The following POFUT3 variants were observed in gnomAD, a reference collection of about 807,000 sequenced individuals.
POFUT3 encodes protein O-fucosyltransferase 3.
chr8:33,446,277 T>G, the POFUT3 span, among the ~76,000 whole-genome samples: 1 of 151,862 alleles, frequency 6.6e-6, no homozygotes. Flanking sequence ...GCCAGCATGG[T>G]GAAATGCCGT....
the POFUT3 span, among the ~76,000 whole-genome samples, chr8:33,324,756 T>G: frequency 2.0e-5 from 3 of 150,076 alleles, no homozygotes; most frequent in Non-Finnish European, 3.0e-5. Context: ...CTCCCCCATC[T>G]CACAGCACCA....
chr8:33,349,900 G>C, the POFUT3 span, among the ~76,000 whole-genome samples: 1 of 152,062 alleles, frequency 6.6e-6, no homozygotes, highest in Non-Finnish European at 1.5e-5. Context: ...ATTCCCACCA[G>C]CAGGGTAAAA....
chr8:33,366,766 T>C, the POFUT3 span, among the ~76,000 whole-genome samples: 10 of 152,240 alleles, frequency 6.6e-5, no homozygotes, highest in South Asian at 1.4e-3. Flanking sequence ...ACAAAAATTG[T>C]TGACAAAAAC....
At chr8:33,362,481 G>A in the POFUT3 span, among the ~76,000 whole-genome samples, 1 of 152,026 alleles carries the variant, frequency 6.6e-6, no homozygotes, top group Non-Finnish European at 1.5e-5. Context: ...TGGCAAATTG[G>A]ATAGAGTCAA....
At chr8:33,371,208 T>C in the POFUT3 span, 2 of 152,184 alleles carry the variant, frequency 1.3e-5, no homozygotes, top group African/African-American at 2.4e-5. Context: ...ATGAAAGAGC[T>C]GGGATTGGGA....
chr8:33,449,251 T>C, the POFUT3 span, among the ~76,000 whole-genome samples: 1 of 149,128 alleles, frequency 6.7e-6, no homozygotes, highest in African/African-American at 2.5e-5. Context: ...GAATCAGGAA[T>C]GGTTTGTAGG....
At chr8:33,368,964 C>T in the POFUT3 span, among the ~76,000 whole-genome samples, 1 of 152,134 alleles carries the variant, frequency 6.6e-6, no homozygotes, top group East Asian at 1.9e-4. Flanking sequence ...CCCTTCACAC[C>T]TCTCTCTCCT....
the POFUT3 span, among the ~76,000 whole-genome samples, chr8:33,446,940 C>T: frequency 6.6e-6 from 1 of 152,170 alleles, no homozygotes; most frequent in African/African-American, 2.4e-5. Context: ...TTTAATTACA[C>T]GTGATCACAT....
At chr8:33,436,454 C>T in the POFUT3 span, 1 of 1,434,788 alleles carries the variant, frequency 7.0e-7, no homozygotes, top group South Asian at 1.1e-5. Context: ...CTGATGTTGC[C>T]CACATGCAAC....
chr8:33,430,558 C>T, the POFUT3 span, among the ~76,000 whole-genome samples: 84 of 152,250 alleles, frequency 5.5e-4, no homozygotes, highest in African/African-American at 2.0e-3. Flanking sequence ...GAGTTTTACA[C>T]TTATTGCTCA....
chr8:33,399,934 G>A, the POFUT3 span, among the ~76,000 whole-genome samples: 6 of 151,942 alleles, frequency 3.9e-5, no homozygotes, highest in African/African-American at 7.2e-5. Flanking sequence ...GATTACAGGC[G>A]TGAGCCACTG....
At chr8:33,394,649 T>C in the POFUT3 span, among the ~76,000 whole-genome samples, 1 of 151,294 alleles carries the variant, frequency 6.6e-6, no homozygotes, top group East Asian at 1.9e-4. Flanking sequence ...ATGATATACA[T>C]GAAAGGTTTT....
chr8:33,339,307 A>C, the POFUT3 span, among the ~76,000 whole-genome samples: 1 of 152,218 alleles, frequency 6.6e-6, no homozygotes. Flanking sequence ...CTCATTGAGT[A>C]GGCTAACTGT....
the POFUT3 span, among the ~76,000 whole-genome samples, chr8:33,312,480 C>A: frequency 6.6e-6 from 1 of 151,942 alleles, no homozygotes; most frequent in African/African-American, 2.4e-5. Flanking sequence ...CCTTCCACAT[C>A]CCCCCTCTCC....
the POFUT3 span, among the ~76,000 whole-genome samples, chr8:33,439,306 G>A: frequency 6.6e-6 from 1 of 152,254 alleles, no homozygotes; most frequent in East Asian, 1.9e-4. Context: ...GAGAGGCTGA[G>A]GCAGGAGAAT....
At chr8:33,337,162 C>T in the POFUT3 span, among the ~76,000 whole-genome samples, 2 of 151,172 alleles carry the variant, frequency 1.3e-5, no homozygotes, top group African/African-American at 4.9e-5. Flanking sequence ...TTACTCCCCA[C>T]CTAAAGGGAA....
the POFUT3 span, among the ~76,000 whole-genome samples, chr8:33,381,707 T>A: frequency 6.6e-6 from 1 of 152,216 alleles, no homozygotes; most frequent in African/African-American, 2.4e-5. Flanking sequence ...TAATGGAATC[T>A]CTGTAACAGC....
chr8:33,461,820 A>G, the POFUT3 span: 1 of 431,710 alleles, frequency 2.3e-6, no homozygotes, highest in South Asian at 2.1e-5. Flanking sequence ...ATTTTAAACT[A>G]AAAGGAAACA....
At chr8:33,429,393 C>T in the POFUT3 span, among the ~76,000 whole-genome samples, 3 of 152,188 alleles carry the variant, frequency 2.0e-5, no homozygotes, top group South Asian at 2.1e-4. Flanking sequence ...TTAGATCTGC[C>T]GTTGTGCATA....
Sources: gnomAD v4.1 joint callset for allele counts (sites outside exome capture counted in the v4.1 genomes callset) on GRCh38, gnomAD v4.1.1 for gene constraint, MANE v1.5 for transcripts, NCBI Gene and HGNC (gene_info 2026-07-23, HGNC 2026-07-21) for gene names.